Variants in SMCO2 observed in about 807,000 individuals in gnomAD.
SMCO2 encodes the protein single-pass membrane protein with coiled-coil domains 2, also known as single-pass membrane and coiled-coil domain-containing protein 2.
A neutral mutation model predicts 29.5 loss-of-function variants in SMCO2; 25 were observed. That is an observed-to-expected ratio of 0.85 (90% CI 0.62 to 1.18). SMCO2 has a LOEUF of 1.18. SMCO2 is among the 50% of genes most tolerant of loss of function. The pLI is 0.00. For synonymous variants in SMCO2, 117 were observed against 123.3 expected, an observed-to-expected ratio of 0.95 and a Z score of 0.34; for missense variants, 348 against 344.5, an observed-to-expected ratio of 1.01 and a Z score of -0.08.
At chr12:27,448,981 G>A in the SMCO2 span, among the ~76,000 whole-genome samples, 1 of 152,180 alleles carries the variant, frequency 6.6e-6, no homozygotes, top group Non-Finnish European at 1.5e-5. Context: ...GGCAAGCGGT[G>A]GGAAACTGTC....
At chr12:27,483,912 G>A (rs1013356600) in intron 4 of SMCO2, among the ~76,000 whole-genome samples, 1 of 152,106 alleles carries the variant, frequency 6.6e-6, no homozygotes, top group African/African-American at 2.4e-5. Context: ...TGATACGTCA[G>A]GGGTTTTTGT....
chr12:27,432,022 T>C, the SMCO2 span, among the ~76,000 whole-genome samples: 1 of 152,240 alleles, frequency 6.6e-6, no homozygotes, highest in Non-Finnish European at 1.5e-5. Context: ...TGCATTTCTC[T>C]AATGATTAGT....
chr12:27,498,550 G>T, intron 7 of SMCO2: 1 of 234,486 alleles, frequency 4.3e-6, no homozygotes, highest in African/African-American at 2.4e-5. Context: ...TCCTGGCTGA[G>T]GAGTTCAATA....
chr12:27,442,912 G>A, the SMCO2 span, among the ~76,000 whole-genome samples: 1 of 152,204 alleles, frequency 6.6e-6, no homozygotes, highest in African/African-American at 2.4e-5. Flanking sequence ...ATGAGCCACA[G>A]TGCCTGGCCT....
At chr12:27,489,533 C>G (rs1303146871) in intron 5 of SMCO2, among the ~76,000 whole-genome samples, 2 of 152,160 alleles carry the variant, frequency 1.3e-5, no homozygotes, top group Non-Finnish European at 2.9e-5. Flanking sequence ...TCAATTTTAA[C>G]TCAAGCCCAA....
chr12:27,433,279 A>G, the SMCO2 span, among the ~76,000 whole-genome samples: 1 of 152,198 alleles, frequency 6.6e-6, no homozygotes, highest in African/African-American at 2.4e-5. Flanking sequence ...CTAACAAAAC[A>G]AGAAGGAAAA....
the SMCO2 span, among the ~76,000 whole-genome samples, chr12:27,440,516 G>A: frequency 2.0e-5 from 3 of 152,040 alleles, 1 homozygote; most frequent in East Asian, 5.8e-4. Flanking sequence ...AAGCCTAAAA[G>A]ATAAATCTAA....
the SMCO2 span, among the ~76,000 whole-genome samples, chr12:27,458,341 A>G: frequency 5.9e-5 from 9 of 152,306 alleles, no homozygotes; most frequent in African/African-American, 2.2e-4. Flanking sequence ...AAATTTTTAC[A>G]TTTTATATAT....
At chr12:27,499,280 A>G (rs1051996944) in intron 7 of SMCO2, among the ~76,000 whole-genome samples, 1 of 151,010 alleles carries the variant, frequency 6.6e-6, no homozygotes, top group Non-Finnish European at 1.5e-5. Flanking sequence ...GTACTGATAC[A>G]TACCACAACA....
chr12:27,425,000 C>G, the SMCO2 span: 21 of 152,142 alleles, frequency 1.4e-4, no homozygotes, highest in African/African-American at 5.1e-4. Context: ...GCTTAGAGAG[C>G]TTTCCAGGTG....
At chr12:27,476,799 A>G (rs926285892) in intron 4 of SMCO2, among the ~76,000 whole-genome samples, 30 of 152,206 alleles carry the variant, frequency 2.0e-4, no homozygotes, top group Middle Eastern at 3.4e-3. Flanking sequence ...TAAAAAATCA[A>G]TTCAACCACT....
At chr12:27,469,209 C>G (rs1426458485) in intron 1 of SMCO2, among the ~76,000 whole-genome samples, 1 of 152,168 alleles carries the variant, frequency 6.6e-6, no homozygotes, top group African/African-American at 2.4e-5. Context: ...ATGGACAAAA[C>G]TGTCCAGATA....
chr12:27,464,809 C>T (rs1288547170), upstream of SMCO2, among the ~76,000 whole-genome samples: 3 of 148,510 alleles, frequency 2.0e-5, no homozygotes, highest in African/African-American at 7.5e-5. Context: ...ATCACGAGGT[C>T]GGGAGATCAA....
At chr12:27,443,075 C>T in the SMCO2 span, among the ~76,000 whole-genome samples, 2 of 152,158 alleles carry the variant, frequency 1.3e-5, no homozygotes, top group East Asian at 3.8e-4. Flanking sequence ...AAGAAAACTA[C>T]AGGTCATATT....
chr12:27,439,331 G>A, the SMCO2 span, among the ~76,000 whole-genome samples: 14 of 152,328 alleles, frequency 9.2e-5, no homozygotes, highest in Non-Finnish European at 2.1e-4. Context: ...GACAGGCAGT[G>A]CTTCAACCAT....
chr12:27,472,656 C>T lies in SMCO2; in HGVS notation c.135-120C>T, dbSNP rs1949550761. 9.7e-6 allele frequency: 6 copies of T among 619,080 alleles called. No individual in the cohort carries two copies. In the East Asian group the frequency reaches 1.7e-4, roughly 18 times the overall value. 38.3% of individuals were successfully genotyped at this position (619,080 alleles called of 1,614,324 possible). ...CAGAAAGAACTCAGTACAAGGATAG[C>T]AGATGCTCCCTGGGACTGGGGAAGA... On this transcript the variant is annotated intron_variant, in intron 2 of 7. Transcript: ENST00000298876.
At chr12:27,446,385 C>G in the SMCO2 span, 1 of 152,158 alleles carries the variant, frequency 6.6e-6, no homozygotes, top group African/African-American at 2.4e-5. Flanking sequence ...CCTCATCTAA[C>G]CTTAATTATC....
At chr12:27,473,033 G>A in intron 3 of SMCO2, 158 bp downstream of exon 3, 1 of 597,626 alleles carries the variant, frequency 1.7e-6, no homozygotes, top group Non-Finnish European at 2.9e-6. Flanking sequence ...GGGAGGCAGG[G>A]AATATGGCAT....
At chr12:27,452,487 A>G in the SMCO2 span, among the ~76,000 whole-genome samples, 2 of 152,142 alleles carry the variant, frequency 1.3e-5, no homozygotes, top group Non-Finnish European at 2.9e-5. Context: ...ATATGAGTCC[A>G]GGTATCTTTT....
Sources: allele counts gnomAD v4.1 joint callset (sites outside exome capture counted in the v4.1 genomes callset), GRCh38; gene constraint gnomAD v4.1.1; transcripts MANE v1.5; gene names NCBI Gene and HGNC (gene_info 2026-07-23, HGNC 2026-07-21).